LRP6: variants seen among roughly 807,000 people sequenced by gnomAD.
LRP6 encodes the protein LDL receptor related protein 6, also known as low-density lipoprotein receptor-related protein 6.
A neutral mutation model predicts 184.1 loss-of-function variants in LRP6; 43 were observed. That is an observed-to-expected ratio of 0.23 (90% CI 0.18 to 0.30). LRP6 has a LOEUF of 0.30. Ranked by LOEUF, LRP6 falls within the 10% of genes least tolerant of loss-of-function variation. The probability of loss-of-function intolerance (pLI) is 1.00; values close to 1 mark genes in which losing one functional copy is unlikely to be tolerated. For missense variants in LRP6, 1,571 were observed against 2,005.3 expected (o/e 0.78, Z 4.14); for synonymous variants, 719 against 684.9 (o/e 1.05, Z -0.78).
At chr12:12,218,052 T>A (rs1455398336) in intron 2 of LRP6, among the ~76,000 whole-genome samples, 14 of 152,172 alleles carry the variant, frequency 9.2e-5, no homozygotes, top group Admixed American at 9.2e-4. Context: ...CCATTATATG[T>A]GTGTTTCAAA....
At chr12:12,199,105 A>C (rs1863846697) in intron 3 of LRP6, among the ~76,000 whole-genome samples, 1 of 152,174 alleles carries the variant, frequency 6.6e-6, no homozygotes, top group Non-Finnish European at 1.5e-5. Context: ...GATGACTTGC[A>C]AAGAATGGGC....
intron 10 of LRP6, among the ~76,000 whole-genome samples, chr12:12,161,947 T>C (rs533295127): frequency 0.028 from 209 of 7,364 alleles, no homozygotes; most frequent in Middle Eastern, 0.1. Context: ...TACTCATCAG[T>C]AACATTTATT....
At chr12:12,158,684 A>G in intron 12 of LRP6, 145 bp downstream of exon 12, 1 of 754,244 alleles carries the variant, frequency 1.3e-6, no homozygotes, top group Non-Finnish European at 2.2e-6. Flanking sequence ...AGTAACAAAC[A>G]CTTGCATTCC....
intron 5 of LRP6, among the ~76,000 whole-genome samples, chr12:12,181,861 T>C (rs1278656325): frequency 2.0e-5 from 3 of 152,230 alleles, no homozygotes; most frequent in South Asian, 4.1e-4. Context: ...GATAGGAATG[T>C]TCTAAAATTG....
chr12:12,124,172 G>A (rs544327153), intron 22 of LRP6, among the ~76,000 whole-genome samples: 2 of 152,136 alleles, frequency 1.3e-5, no homozygotes, highest in Admixed American at 6.5e-5. Context: ...TCAGGAGTTC[G>A]AGACCAGCCT....
At chr12:12,219,947 G>A (rs1864445255) in intron 2 of LRP6, among the ~76,000 whole-genome samples, 1 of 152,178 alleles carries the variant, frequency 6.6e-6, no homozygotes, top group East Asian at 1.9e-4. Flanking sequence ...CCATTCTGGT[G>A]AGGTTGAAGG....
chr12:12,162,341 C>T lies in LRP6; in HGVS notation c.2131G>A (p.Ala711Thr), dbSNP rs768076655. 6.2e-7 allele frequency: 1 copy of T among 1,614,110 alleles called. No individual in the cohort carries two copies. Among genetic ancestry groups the T allele is most frequent in the African/African-American group, 1.3e-5 (1 of 74,932 alleles). Residue 711 changes from alanine to threonine, a missense_variant, in exon 10 of 23, where the codon GCA becomes ACA. By Grantham distance (58) the Ala-to-Thr change is moderately conservative. Coordinates refer to ENST00000261349, the MANE Select transcript of LRP6 (RefSeq NM_002336.3). ...EFGLDYPEGMAVDWLGKNLYW... is the reference protein window; with the variant it reads ...EFGLDYPEGMTVDWLGKNLYW... Reference sequence around the variant, plus strand: ...AAGTTCTTCCCAAGCCAGTCTACTGCCATGCCTTCTGGATAATCTAAGCCG... The same window carrying T: ...AAGTTCTTCCCAAGCCAGTCTACTGTCATGCCTTCTGGATAATCTAAGCCG...
chr12:12,193,849 G>A (rs1863680899), intron 3 of LRP6, among the ~76,000 whole-genome samples: 1 of 152,044 alleles, frequency 6.6e-6, no homozygotes, highest in African/African-American at 2.4e-5. Context: ...CCGACTCTAT[G>A]AGGCTGATAT....
chr12:12,155,807 TAAA>T (rs36120700), intron 12 of LRP6: 1,885 of 624,746 alleles, frequency 3.0e-3, no homozygotes, highest in Middle Eastern at 4.7e-3. Context: ...TCTGGACTGT[TAAA>T]AAAAAAAAAA....
intron 2 of LRP6, among the ~76,000 whole-genome samples, chr12:12,215,702 CAG>C (rs1864325580): frequency 6.7e-6 from 1 of 149,970 alleles, no homozygotes; most frequent in South Asian, 2.2e-4. Flanking sequence ...TATTAAAGAT[CAG>C]AGTTTTCTTT....
In LRP6 at chr12:12,240,529, G is replaced by A. The variant is rs185171236; in HGVS notation, c.449+3733C>T. On this transcript the variant is annotated intron_variant, in intron 2 of 22. Transcript: ENST00000261349. Reference sequence around the variant, plus strand: ...GGAGCTTGCAGTGAGCCAAGATCGCGCCACTGCACTCCAGCCTGGGCAACA... The same window carrying A: ...GGAGCTTGCAGTGAGCCAAGATCGCACCACTGCACTCCAGCCTGGGCAACA... Among the ~76,000 whole-genome samples, 1,110 of 152,116 alleles carry A rather than the reference G, an allele frequency of 7.3e-3. 9 individuals carry two copies. The highest frequency in any genetic ancestry group is 0.025 in the African/African-American group (1,038 of 41,504).
intron 19 of LRP6, among the ~76,000 whole-genome samples, chr12:12,129,112 T>C (rs892571089): frequency 1.3e-5 from 2 of 152,254 alleles, no homozygotes; most frequent in Admixed American, 6.5e-5. Context: ...TATTTAAGTG[T>C]TGTGTGACAC....
chr12:12,233,774 A>G (rs888989363), intron 2 of LRP6, among the ~76,000 whole-genome samples: 1 of 152,224 alleles, frequency 6.6e-6, no homozygotes, highest in African/African-American at 2.4e-5. Context: ...TGATTCTAGA[A>G]AAAATATTTT....
At position 12,147,475 on chromosome 12, in the gene LRP6, G is replaced by A. The variant is rs1470141031; in HGVS notation, c.3288C>T (p.Leu1096=). The change falls in exon 15 of 23, where the codon CTC becomes CTT. Residue 1096 remains leucine (L), a synonymous_variant. Coordinates refer to ENST00000261349, the MANE Select transcript of LRP6 (RefSeq NM_002336.3). ...TTGGTTTACTTAAGCCACTGAAAAA[G>A]AGGACCTCCCGTTCTGTCCCATCCA... ...AALDGTEREV[L]FFSGLSKPIA... 6 of 1,613,990 alleles carry A rather than the reference G, an allele frequency of 3.7e-6. No individual in the cohort carries two copies. Among genetic ancestry groups the A allele is most frequent in the Non-Finnish European group, 4.2e-6 (5 of 1,180,024 alleles).
chr12:12,206,762 T>C (rs1864069587), intron 2 of LRP6, among the ~76,000 whole-genome samples: 1 of 151,134 alleles, frequency 6.6e-6, no homozygotes, highest in Non-Finnish European at 1.5e-5. Flanking sequence ...AATGAAAAAA[T>C]AATAATAAAA....
chr12:12,265,713 A>T (rs1391671679), intron 1 of LRP6, among the ~76,000 whole-genome samples: 2 of 152,212 alleles, frequency 1.3e-5, no homozygotes, highest in Non-Finnish European at 2.9e-5. Flanking sequence ...AGCCATCTCA[A>T]GTTCAACACT....
chr12:12,147,736 C>A (rs973715736), intron 14 of LRP6, among the ~76,000 whole-genome samples, 180 bp from the exon 15 acceptor site: 1 of 152,114 alleles, frequency 6.6e-6, no homozygotes, highest in Non-Finnish European at 1.5e-5. Context: ...CTTTGGGAGA[C>A]TGAGGCGGGG....
intron 15 of LRP6, among the ~76,000 whole-genome samples, chr12:12,145,996 C>T (rs556084497): frequency 3.3e-5 from 5 of 152,106 alleles, no homozygotes; most frequent in Admixed American, 6.5e-5. Flanking sequence ...ATATACTATA[C>T]GGTTTCAAAT....
intron 1 of LRP6, among the ~76,000 whole-genome samples, chr12:12,263,514 G>C (rs1380464449): frequency 6.8e-6 from 1 of 147,148 alleles, no homozygotes; most frequent in Non-Finnish European, 1.5e-5. Context: ...TCACACCAAT[G>C]CACTCCAGCC....
Sources: allele counts gnomAD v4.1 joint callset (sites outside exome capture counted in the v4.1 genomes callset), GRCh38; gene constraint gnomAD v4.1.1; transcripts MANE v1.5; gene names NCBI Gene and HGNC (gene_info 2026-07-23, HGNC 2026-07-21).